ENTPD1: variants seen among roughly 807,000 people sequenced by gnomAD.
ENTPD1 encodes ATP diphosphohydrolase.
In ENTPD1, 33 loss-of-function variants were observed where a neutral mutation model predicts 57.0. The ratio of observed to expected loss-of-function variants is 0.58; its 90% confidence interval spans 0.44 to 0.77. The LOEUF is 0.77. Ranked by LOEUF, ENTPD1 falls within the 30% of genes least tolerant of loss-of-function variation. The pLI is 0.00. For synonymous variants in ENTPD1, 202 were observed against 218.8 expected (o/e 0.92, Z 0.68); for missense variants, 501 against 603.4 (o/e 0.83, Z 1.78).
At chr10:95,834,646 C>G (rs1282004156) in intron 2 of ENTPD1, among the ~76,000 whole-genome samples, 1 of 152,188 alleles carries the variant, frequency 6.6e-6, no homozygotes, top group Non-Finnish European at 1.5e-5. Context: ...GGTACTATGA[C>G]ATTTGTGTAG....
chr10:95,708,878 TTAATAA>T (rs1269544418), upstream of ENTPD1, among the ~76,000 whole-genome samples: 2 of 152,162 alleles, frequency 1.3e-5, no homozygotes, highest in Admixed American at 6.5e-5. Flanking sequence ...TGAAAAACAG[TTAATAA>T]TAATTTCGTG....
chr10:95,823,510 G>C, intron 2 of ENTPD1, 146 bp downstream of exon 2: 1 of 1,231,288 alleles, frequency 8.1e-7, no homozygotes, highest in Non-Finnish European at 1.2e-6. Flanking sequence ...TGGATTAGGG[G>C]AGTAAAATGG....
chr10:95,872,182 A>C lies in ENTPD1; in HGVS notation c.*5799A>C. 1 of 985,466 alleles carries C rather than the reference A, an allele frequency of 1.0e-6. No individual in the cohort carries two copies. Among genetic ancestry groups the C allele is most frequent in the Non-Finnish European group, 1.2e-6 (1 of 829,936 alleles). The allele number at this position is 985,466 out of a possible 1,614,324, so 61.0% of individuals were successfully genotyped here. On this transcript the variant is annotated 3_prime_UTR_variant, in exon 10 of 10. Coordinates refer to ENST00000371205, the MANE Select transcript of ENTPD1 (RefSeq NM_001776.6). ...TACCAGGAATGGTGGTGTTGCTTCC[A>C]ATCTGTTGCTGCTAGATTAATCTTT...
At chr10:95,808,701 T>C (rs1293981400) in intron 1 of ENTPD1, among the ~76,000 whole-genome samples, 1 of 149,856 alleles carries the variant, frequency 6.7e-6, no homozygotes, top group Non-Finnish European at 1.5e-5. Flanking sequence ...AGAGATACTT[T>C]GACAGATTAT....
rs565807471 is a variant in ENTPD1 at position 95,877,021 on chromosome 10, C to T, written c.*10638C>T. Among the ~76,000 whole-genome samples the T allele has an allele frequency of 2.6e-5, 4 of 152,322 alleles. No individual in the cohort carries two copies. In the East Asian group the frequency reaches 7.7e-4, roughly 29 times the overall value. ...TAGAATGGAAGTAGGAGACATTTTGCAGGCCCCCTTCATCCTGCAGGGAGA... is the reference window on the plus strand; with the variant it reads ...TAGAATGGAAGTAGGAGACATTTTGTAGGCCCCCTTCATCCTGCAGGGAGA... On this transcript the variant is annotated 3_prime_UTR_variant, in exon 10 of 10. Transcript: ENST00000371205.
chr10:95,758,968 A>G (rs980790150), intron 1 of ENTPD1, among the ~76,000 whole-genome samples: 1 of 152,180 alleles, frequency 6.6e-6, no homozygotes, highest in Non-Finnish European at 1.5e-5. Context: ...AGCCCCTGGG[A>G]CAGGTTCTTG....
chr10:95,770,262 T>TGTGTGTGC (rs2098111284), intron 1 of ENTPD1, among the ~76,000 whole-genome samples: 1 of 150,406 alleles, frequency 6.6e-6, no homozygotes. Flanking sequence ...AGTGAGTGTG[T>TGTGTGTGC]GTGTGTGTGT....
At chr10:95,698,486 G>A in the ENTPD1 span, among the ~76,000 whole-genome samples, 1 of 152,238 alleles carries the variant, frequency 6.6e-6, no homozygotes, top group Non-Finnish European at 1.5e-5. Flanking sequence ...GTTTGCTAAA[G>A]AGATTAGTTT....
intron 5 of ENTPD1, chr10:95,844,907 A>T: frequency 1.9e-6 from 1 of 519,892 alleles, no homozygotes; most frequent in South Asian, 2.0e-5. Context: ...AAAAATTAGA[A>T]TAGCTAACAT....
At position 95,869,864 on chromosome 10, in the gene ENTPD1, G is replaced by A. The variant is rs1047112468; in HGVS notation, c.*3481G>A. ...TCATACTAAATTTTCAAAATATTTT[G>A]TGTCTATTACATTTACAGCACATCT... On this transcript the variant is annotated 3_prime_UTR_variant, in exon 10 of 10. Transcript: ENST00000371205. 1.3e-6 allele frequency: 1 copy of A among 772,236 alleles called. No homozygotes were observed. The highest frequency in any genetic ancestry group is 1.6e-6 in the Non-Finnish European group (1 of 635,638). 47.8% of individuals were successfully genotyped at this position (772,236 alleles called of 1,614,324 possible).
At chr10:95,760,464 A>G (rs1285495427) in intron 1 of ENTPD1, among the ~76,000 whole-genome samples, 2 of 152,214 alleles carry the variant, frequency 1.3e-5, no homozygotes, top group African/African-American at 4.8e-5. Flanking sequence ...AGGCAGAAGT[A>G]CAGAGTTTAT....
rs1159668775 is a variant in ENTPD1, at chr10:95,867,279, C to T, written c.*896C>T. 1.0e-6 allele frequency: 1 copy of T among 973,384 alleles called. No homozygotes were observed. Among genetic ancestry groups the T allele is most frequent in the African/African-American group, 1.8e-5 (1 of 56,970 alleles). The allele number at this position is 973,384 out of a possible 1,614,324, so 60.3% of individuals were successfully genotyped here. ...ATATTAAATACGTACAAATCAGTGA[C>T]ATTTAGTACATTCACAGTGTTGTGC... On this transcript the variant is annotated 3_prime_UTR_variant, in exon 10 of 10. Coordinates refer to ENST00000371205, the MANE Select transcript of ENTPD1 (RefSeq NM_001776.6).
chr10:95,822,494 A>G (rs2098357113), intron 1 of ENTPD1, among the ~76,000 whole-genome samples: 1 of 151,596 alleles, frequency 6.6e-6, no homozygotes, highest in Non-Finnish European at 1.5e-5. Context: ...ATGGGGTTTC[A>G]CCATATTGAC....
intron 1 of ENTPD1, among the ~76,000 whole-genome samples, chr10:95,807,860 G>A (rs532078974): frequency 1.4e-4 from 21 of 152,284 alleles, no homozygotes; most frequent in African/African-American, 4.8e-4. Flanking sequence ...CATGTTGTCT[G>A]CAAACAGGGA....
At chr10:95,727,848 G>T (rs535510987) in intron 1 of ENTPD1, among the ~76,000 whole-genome samples, 2 of 152,282 alleles carry the variant, frequency 1.3e-5, no homozygotes, top group South Asian at 4.1e-4. Context: ...GCAGTCTGAT[G>T]CCAAAATCTA....
Position 95,860,558 on chromosome 10 carries a change from G to C in ENTPD1, c.1164G>C (p.Lys388Asn). 1.2e-6 allele frequency: 2 copies of C among 1,613,864 alleles called. No individual in the cohort carries two copies. The highest frequency in any genetic ancestry group is 1.7e-6 in the Non-Finnish European group (2 of 1,179,788). ...SQEKVTEMMK[K>N]FCAQPWEEIK... ...AAAAGGTGACTGAGATGATGAAAAAGTTCTGTGCTCAGCCTTGGGAGGAGG... is the reference window on the plus strand; with the variant it reads ...AAAAGGTGACTGAGATGATGAAAAACTTCTGTGCTCAGCCTTGGGAGGAGG... Residue 388 changes from lysine to asparagine, a missense_variant, in exon 8 of 10, where the codon AAG becomes AAC. Transcript: ENST00000371205.
At chr10:95,816,922 A>G (rs1055412066) in intron 1 of ENTPD1, among the ~76,000 whole-genome samples, 1 of 152,248 alleles carries the variant, frequency 6.6e-6, no homozygotes, top group Non-Finnish European at 1.5e-5. Context: ...AATCTGGAAT[A>G]TAGTAAGAAC....
chr10:95,728,685 C>A (rs771054305), intron 1 of ENTPD1, among the ~76,000 whole-genome samples: 1 of 152,190 alleles, frequency 6.6e-6, no homozygotes, highest in Non-Finnish European at 1.5e-5. Context: ...GAACTGCTCA[C>A]ACAGAGATGA....
chr10:95,837,334 A>T (rs2098412385), intron 2 of ENTPD1, among the ~76,000 whole-genome samples: 1 of 152,202 alleles, frequency 6.6e-6, no homozygotes, highest in Admixed American at 6.5e-5. Context: ...GAAACAACAG[A>T]ATTTTCTGCC....
Sources: allele counts gnomAD v4.1 joint callset (sites outside exome capture counted in the v4.1 genomes callset), GRCh38; gene constraint gnomAD v4.1.1; transcripts MANE v1.5; gene names NCBI Gene and HGNC (gene_info 2026-07-23, HGNC 2026-07-21).